NCOA7: variants seen among roughly 807,000 people sequenced by gnomAD.
NCOA7 encodes the protein nuclear receptor coactivator 7.
A neutral mutation model predicts 104.3 loss-of-function variants in NCOA7; 45 were observed. That is an observed-to-expected ratio of 0.43 (90% CI 0.34 to 0.55). The LOEUF is 0.55. NCOA7 is among the 20% of genes least tolerant of loss of function. The probability of loss-of-function intolerance (pLI) is 0.02; values close to 1 mark genes in which losing one functional copy is unlikely to be tolerated. For synonymous variants in NCOA7, 398 were observed against 402.3 expected (o/e 0.99, Z 0.13); for missense variants, 1,041 against 1,119.7 (o/e 0.93, Z 1.00).
chr6:125,866,007 A>G (rs553540928), intron 3 of NCOA7, among the ~76,000 whole-genome samples: 2 of 136,740 alleles, frequency 1.5e-5, no homozygotes, highest in Non-Finnish European at 3.1e-5. Flanking sequence ...TTCTTTAGGC[A>G]GATATAAGTG....
chr6:125,799,424 A>G (rs1020994509), intron 1 of NCOA7, among the ~76,000 whole-genome samples: 5 of 148,608 alleles, frequency 3.4e-5, no homozygotes, highest in African/African-American at 9.8e-5. Context: ...ATATTGGCTT[A>G]CTTTATTGCT....
intron 12 of NCOA7, among the ~76,000 whole-genome samples, chr6:125,922,008 T>G (rs1409813052): frequency 1.3e-5 from 2 of 152,142 alleles, no homozygotes; most frequent in East Asian, 3.9e-4. Flanking sequence ...GAGGAACCAG[T>G]AAAGACCCAA....
At chr6:125,796,300 T>G (rs1291458083) in intron 1 of NCOA7, among the ~76,000 whole-genome samples, 1 of 151,336 alleles carries the variant, frequency 6.6e-6, no homozygotes, top group Non-Finnish European at 1.5e-5. Flanking sequence ...GGGTTGAAGA[T>G]TTTATTTAAT....
rs979335206 is a variant in NCOA7, at chr6:125,802,142, A to G, written c.-65+11075A>G. On this transcript the variant is annotated intron_variant, in intron 1 of 15. Transcript: ENST00000392477. ...GGCCTTGGTAGAATTATTCATATAAACAATAATATGTACTATGTGGTTTTG... is the reference window on the plus strand; with the variant it reads ...GGCCTTGGTAGAATTATTCATATAAGCAATAATATGTACTATGTGGTTTTG... Among the ~76,000 whole-genome samples the G allele has an allele frequency of 2.6e-5, 4 of 152,272 alleles. No homozygotes were observed. The East Asian group carries it at 7.7e-4, about 29-fold the overall frequency.
chr6:125,797,471 C>G (rs1775447600), intron 1 of NCOA7, among the ~76,000 whole-genome samples: 1 of 152,130 alleles, frequency 6.6e-6, no homozygotes, highest in Non-Finnish European at 1.5e-5. Flanking sequence ...TTATCACTAA[C>G]CAGGTATGCC....
chr6:125,802,253 A>G (rs897006180), intron 1 of NCOA7: 2 of 152,204 alleles, frequency 1.3e-5, no homozygotes, highest in Admixed American at 6.5e-5. Context: ...ATAATGTTGC[A>G]TAATTGTCTC....
intron 10 of NCOA7, among the ~76,000 whole-genome samples, 196 bp downstream of exon 10, chr6:125,891,006 A>G (rs1267048053): frequency 6.6e-6 from 1 of 152,230 alleles, no homozygotes; most frequent in African/African-American, 2.4e-5. Context: ...ATATGGAGTC[A>G]TCATAGGTAC....
chr6:125,832,088 G>A (rs1308132782), intron 2 of NCOA7, among the ~76,000 whole-genome samples: 8 of 152,156 alleles, frequency 5.3e-5, no homozygotes, highest in Non-Finnish European at 1.0e-4. Context: ...CTTTCACAGT[G>A]TTATCTGCTC....
At chr6:125,860,768 C>T (rs1463855329) in intron 3 of NCOA7, among the ~76,000 whole-genome samples, 1 of 152,078 alleles carries the variant, frequency 6.6e-6, no homozygotes, top group Non-Finnish European at 1.5e-5. Context: ...ATTTCAGTGT[C>T]GGGAAGTTCT....
chr6:125,881,162 G>T lies in NCOA7; in HGVS notation c.532G>T (p.Val178Phe). 6.2e-7 allele frequency: 1 copy of T among 1,613,900 alleles called. No homozygotes were observed. The highest frequency in any genetic ancestry group is 8.5e-7 in the Non-Finnish European group (1 of 1,179,868). ...RLSSSSPGAT[V>F]SPSSSDAEYD... ...ATCATCATCCAGTCCTGGTGCTACT[G>T]TCTCTCCTTCATCATCAGATGCAGA... The change falls in exon 6 of 16, where the codon GTC becomes TTC. Residue 178 changes from valine (V) to phenylalanine (F), a missense_variant. By Grantham distance (50) the Val-to-Phe change is conservative. Around this residue, in one of 2 missense-constraint regions of NCOA7, gnomAD observed 914 missense variants for 942.7 expected, o/e 0.97. Coordinates refer to ENST00000392477, the MANE Select transcript of NCOA7 (RefSeq NM_181782.5).
chr6:125,844,497 A>G (rs564705070), intron 2 of NCOA7, among the ~76,000 whole-genome samples: 1 of 152,134 alleles, frequency 6.6e-6, no homozygotes, highest in Admixed American at 6.5e-5. Context: ...CCAAGAGAAA[A>G]TTTTCTTCAA....
chr6:125,926,175 G>A (rs182527385), intron 13 of NCOA7, among the ~76,000 whole-genome samples: 6 of 152,158 alleles, frequency 3.9e-5, no homozygotes, highest in Admixed American at 1.3e-4. Flanking sequence ...GCCAGACATA[G>A]TGGTGTGCAC....
At chr6:125,850,263 T>G (rs1490231077) in intron 2 of NCOA7, among the ~76,000 whole-genome samples, 3 of 152,204 alleles carry the variant, frequency 2.0e-5, no homozygotes, top group Non-Finnish European at 4.4e-5. Context: ...GATCAGAATA[T>G]TCTAGTTATA....
intron 1 of NCOA7, among the ~76,000 whole-genome samples, chr6:125,812,135 G>A (rs773712372): frequency 6.6e-5 from 10 of 152,154 alleles, no homozygotes; most frequent in Non-Finnish European, 1.5e-4. Flanking sequence ...AATGGCTGTT[G>A]GTAGGCAGGC....
At chr6:125,852,822 G>A (rs752601838) in intron 2 of NCOA7, among the ~76,000 whole-genome samples, 3 of 152,238 alleles carry the variant, frequency 2.0e-5, no homozygotes, top group Admixed American at 6.5e-5. Context: ...TAGCTTTGTA[G>A]TATAATTTGA....
chr6:125,924,127 C>G (rs1480983513), intron 13 of NCOA7, among the ~76,000 whole-genome samples: 1 of 152,062 alleles, frequency 6.6e-6, no homozygotes, highest in East Asian at 1.9e-4. Context: ...GTGAAATGTT[C>G]CAGAATTGGA....
intron 2 of NCOA7, among the ~76,000 whole-genome samples, chr6:125,836,980 C>T (rs1292977431): frequency 6.6e-6 from 1 of 152,138 alleles, no homozygotes; most frequent in Non-Finnish European, 1.5e-5. Flanking sequence ...CCATTTGGGG[C>T]AAAGTGTTCA....
chr6:125,922,850 C>CTCATAAAGAATA lies in NCOA7; in HGVS notation c.2523+18_2523+29dup. ...GGATAATCAGGTGAGGCCTGTCCCT[C>CTCATAAAGAATA]TCATAAAGAATATTTTTTAATAATT... On this transcript the variant is annotated intron_variant, in intron 13 of 15. Coordinates refer to ENST00000392477, the MANE Select transcript of NCOA7 (RefSeq NM_181782.5). The CTCATAAAGAATA allele has an allele frequency of 1.2e-6, 2 of 1,607,376 alleles. No individual in the cohort carries two copies. Among genetic ancestry groups the CTCATAAAGAATA allele is most frequent in the Non-Finnish European group, 1.7e-6 (2 of 1,176,450 alleles).
chr6:125,800,737 A>T (rs1775809053), intron 1 of NCOA7, among the ~76,000 whole-genome samples: 1 of 152,158 alleles, frequency 6.6e-6, no homozygotes, highest in Non-Finnish European at 1.5e-5. Flanking sequence ...TTATAAAATG[A>T]CACAAGGGGC....
Sources: allele counts gnomAD v4.1 joint callset (sites outside exome capture counted in the v4.1 genomes callset), GRCh38; gene constraint gnomAD v4.1.1; regional missense constraint gnomAD v4.1.1; transcripts MANE v1.5; gene names NCBI Gene and HGNC (gene_info 2026-07-23, HGNC 2026-07-21).